ROBO1: variants seen among roughly 807,000 people sequenced by gnomAD.
The protein encoded by ROBO1 is roundabout guidance receptor 1.
In ROBO1, 149 loss-of-function variants were observed where a neutral mutation model predicts 195.9. That is an observed-to-expected ratio of 0.76 (90% CI 0.67 to 0.87). The LOEUF (loss-of-function observed/expected upper bound fraction) is 0.87, where lower values mean the gene tolerates loss of function less well. ROBO1 is among the 40% of genes least tolerant of loss of function. ROBO1 has a pLI of 0.00. For missense variants in ROBO1, 1,933 were observed against 2,068.3 expected (o/e 0.93, Z 1.27); for synonymous variants, 816 against 733.2 (o/e 1.11, Z -1.82).
intron 1 of ROBO1, among the ~76,000 whole-genome samples, chr3:79,691,658 T>C (rs1396476025): frequency 3.3e-5 from 5 of 151,848 alleles, no homozygotes; most frequent in Non-Finnish European, 1.5e-5. Flanking sequence ...TTTGGGAATT[T>C]TTTTTATTTC....
intron 1 of ROBO1, among the ~76,000 whole-genome samples, chr3:79,634,303 G>C (rs1945433183): frequency 6.6e-6 from 1 of 152,188 alleles, no homozygotes; most frequent in East Asian, 1.9e-4. Flanking sequence ...CTATCCAGTA[G>C]CTGGGAAACA....
At chr3:79,684,085 G>A (rs1176051480) in intron 1 of ROBO1, among the ~76,000 whole-genome samples, 1 of 152,008 alleles carries the variant, frequency 6.6e-6, no homozygotes, top group Non-Finnish European at 1.5e-5. Flanking sequence ...GAGGACTCCA[G>A]TTTCTTCAGA....
intron 10 of ROBO1, among the ~76,000 whole-genome samples, chr3:78,682,613 TTATA>T (rs567715446): frequency 2.7e-5 from 4 of 147,640 alleles, no homozygotes; most frequent in South Asian, 2.1e-4. Flanking sequence ...TATTTTTTGT[TTATA>T]TATATTTGAT....
intron 4 of ROBO1, among the ~76,000 whole-genome samples, chr3:78,838,944 C>T (rs947523247): frequency 2.0e-5 from 3 of 152,178 alleles, no homozygotes; most frequent in Non-Finnish European, 4.4e-5. Context: ...AGATGTTAAA[C>T]ATTGTTTACT....
At chr3:78,672,594 CAAAAAAAAA>C (rs368446414) in intron 10 of ROBO1, among the ~76,000 whole-genome samples, 1 of 73,936 alleles carries the variant, frequency 1.4e-5, no homozygotes, top group African/African-American at 5.2e-5. Context: ...GACCCTGTCT[CAAAAAAAAA>C]AAAAAAAAAA....
At chr3:78,609,862 TAAATG>T (rs1173636266) in intron 28 of ROBO1, among the ~76,000 whole-genome samples, 1 of 152,168 alleles carries the variant, frequency 6.6e-6, no homozygotes, top group Non-Finnish European at 1.5e-5. Flanking sequence ...TTTTAAAAAA[TAAATG>T]AAACTTTTTT....
At chr3:79,419,479 G>A (rs2038137241) in intron 2 of ROBO1, among the ~76,000 whole-genome samples, 1 of 152,082 alleles carries the variant, frequency 6.6e-6, no homozygotes, top group South Asian at 2.1e-4. Flanking sequence ...AAACTAAAGG[G>A]TGGTGATAGC....
intron 4 of ROBO1, among the ~76,000 whole-genome samples, chr3:78,850,688 A>G (rs2033999143): frequency 3.3e-5 from 5 of 152,166 alleles, no homozygotes. Flanking sequence ...AGGCACGAGC[A>G]CTGATGATAG....
chr3:79,181,806 G>A (rs574530796), intron 2 of ROBO1, among the ~76,000 whole-genome samples: 1 of 151,774 alleles, frequency 6.6e-6, no homozygotes, highest in East Asian at 1.9e-4. Flanking sequence ...GGTGACAGTA[G>A]TCCCAGCTAC....
chr3:78,662,135 T>C, intron 14 of ROBO1, 21 bp from the exon 15 acceptor site: 2 of 1,550,862 alleles, frequency 1.3e-6, no homozygotes, highest in Non-Finnish European at 1.7e-6. Context: ...TCAAGAAAAC[T>C]GTGTCAGGGT....
chr3:79,187,974 G>C (rs1280560262), intron 2 of ROBO1, among the ~76,000 whole-genome samples: 1 of 151,794 alleles, frequency 6.6e-6, no homozygotes, highest in African/African-American at 2.4e-5. Context: ...CTGAGCTAAA[G>C]GTCTATTCAA....
At chr3:79,602,390 A>G (rs1944364599) in intron 1 of ROBO1, among the ~76,000 whole-genome samples, 1 of 152,020 alleles carries the variant, frequency 6.6e-6, no homozygotes, top group South Asian at 2.1e-4. Context: ...TGCATTCTAG[A>G]AGCCAAGGGT....
chr3:79,414,240 C>G (rs2037904965), intron 2 of ROBO1, among the ~76,000 whole-genome samples: 1 of 151,402 alleles, frequency 6.6e-6, no homozygotes, highest in Non-Finnish European at 1.5e-5. Flanking sequence ...CTTTCTCTTT[C>G]TCTTTCTCTG....
At chr3:79,677,760 A>G (rs140680327) in intron 1 of ROBO1, among the ~76,000 whole-genome samples, 1 of 152,202 alleles carries the variant, frequency 6.6e-6, no homozygotes, top group Non-Finnish European at 1.5e-5. Flanking sequence ...AACCTTAAAG[A>G]TATCAATTTT....
At position 78,607,068 on chromosome 3, in the gene ROBO1, T is replaced by C. The variant is rs1703509322; in HGVS notation, c.4436-27A>G. 3.8e-6 allele frequency: 6 copies of C among 1,577,538 alleles called. No homozygotes were observed. The East Asian group carries it at 1.1e-4, about 30-fold the overall frequency. ...TAAAAAGAAACATTAAAAATACTACTGTAAAAGTCTGCTGCTTATAAAATC... is the reference window on the plus strand; with the variant it reads ...TAAAAAGAAACATTAAAAATACTACCGTAAAAGTCTGCTGCTTATAAAATC... On this transcript the variant is annotated intron_variant, in intron 28 of 30. Coordinates refer to ENST00000464233, the MANE Select transcript of ROBO1 (RefSeq NM_002941.4).
chr3:78,944,867 C>A (rs1026442605), intron 3 of ROBO1, among the ~76,000 whole-genome samples: 19 of 152,178 alleles, frequency 1.2e-4, no homozygotes, highest in African/African-American at 4.3e-4. Flanking sequence ...GAGATTATAT[C>A]CCGCACGTGG....
At chr3:78,642,778 C>T (rs1559686072) in intron 21 of ROBO1, among the ~76,000 whole-genome samples, 1 of 152,116 alleles carries the variant, frequency 6.6e-6, no homozygotes, top group Non-Finnish European at 1.5e-5. Flanking sequence ...AGTCTCTTTG[C>T]TTACCACACT....
chr3:78,804,732 C>CAAAAAAAA (rs10576248), intron 4 of ROBO1, among the ~76,000 whole-genome samples: 2 of 93,180 alleles, frequency 2.1e-5, no homozygotes, highest in African/African-American at 4.0e-5. Context: ...GGAGCAAAGG[C>CAAAAAAAA]AAAAAAAAAA....
chr3:79,291,486 G>A (rs927534525), intron 2 of ROBO1, among the ~76,000 whole-genome samples: 3 of 151,854 alleles, frequency 2.0e-5, no homozygotes, highest in African/African-American at 7.3e-5. Context: ...GTTTTTCATT[G>A]CTCTCCCAAA....
Sources: gnomAD v4.1 joint callset for allele counts (sites outside exome capture counted in the v4.1 genomes callset) on GRCh38, gnomAD v4.1.1 for gene constraint, MANE v1.5 for transcripts, NCBI Gene and HGNC (gene_info 2026-07-23, HGNC 2026-07-21) for gene names.